Variants in UBE2D3 observed in about 807,000 individuals in gnomAD.
The protein encoded by UBE2D3 is ubiquitin-conjugating enzyme E2 D3.
A neutral mutation model predicts 22.8 loss-of-function variants in UBE2D3; 2 were observed. The observed-to-expected ratio is 0.09, with a 90% CI of 0.04 to 0.28. The LOEUF is 0.28. Among genes scored for constraint, UBE2D3 ranks in the 10% least tolerant of loss-of-function variants. The pLI, the probability that UBE2D3 is intolerant of heterozygous loss-of-function variation, is 1.00. For synonymous variants in UBE2D3, 56 were observed against 60.4 expected (o/e 0.93, Z 0.34); for missense variants, 27 against 182.5 (o/e 0.15, Z 4.91).
chr4:102,826,632 GGCGCCTTTTGC>G lies in UBE2D3; in HGVS notation c.-128-7_-125del. 2 of 1,576,120 alleles carry G rather than the reference GGCGCCTTTTGC, an allele frequency of 1.3e-6. No homozygotes were observed. Among genetic ancestry groups the G allele is most frequent in the Non-Finnish European group, 8.5e-7 (1 of 1,169,668 alleles). The stretch of plus-strand genomic sequence containing the variant: ...TCTCACACCAGCTCTGCCAGACACA[GGCGCCTTTTGC>G]AAAAACGGAGCAGATCAGCACTCGC... On this transcript the variant is annotated splice_acceptor_variant and splice_polypyrimidine_tract_variant and 5_prime_UTR_variant and intron_variant, in exon 2 of 8. Transcript: ENST00000453744. LOFTEE classifies it low-confidence loss of function (5UTR_SPLICE).
rs1051693596 is a variant in UBE2D3 at position 102,868,832 on chromosome 4, T to A, written c.-246A>T. On this transcript the variant is annotated 5_prime_UTR_variant, in exon 1 of 8. Coordinates refer to the UBE2D3 transcript ENST00000338145. ...TTAAAGGCCCAAGAGGAGGGCCACCTTCACACGAGATTCCGAGGAGGGCCT... is the reference window on the plus strand; with the variant it reads ...TTAAAGGCCCAAGAGGAGGGCCACCATCACACGAGATTCCGAGGAGGGCCT... The A allele has an allele frequency of 4.4e-6, 7 of 1,585,000 alleles. No homozygotes were observed. The Admixed American group carries it at 1.0e-4, about 23-fold the overall frequency.
intron 6 of UBE2D3, 76 bp from the exon 7 acceptor site, chr4:102,799,576 A>G: frequency 9.4e-7 from 1 of 1,066,124 alleles, no homozygotes; most frequent in Non-Finnish European, 1.4e-6. Context: ...CGTGTATTAC[A>G]AAACTCAATC....
At chr4:102,843,873 T>C (rs1193461724) in intron 1 of UBE2D3, 1 of 151,732 alleles carries the variant, frequency 6.6e-6, no homozygotes, top group African/African-American at 2.4e-5. Context: ...AACAGGAGAG[T>C]TGATGTAGCC....
chr4:102,817,785 T>C (rs1296082717), intron 2 of UBE2D3, among the ~76,000 whole-genome samples: 2 of 152,212 alleles, frequency 1.3e-5, no homozygotes, highest in African/African-American at 4.8e-5. Context: ...TTACATGGCC[T>C]GAGAAAATGA....
chr4:102,804,140 G>C (rs114109120), intron 4 of UBE2D3, among the ~76,000 whole-genome samples: 1 of 151,948 alleles, frequency 6.6e-6, no homozygotes, highest in Non-Finnish European at 1.5e-5. Context: ...GGTGGAGGGC[G>C]GGGGGAATGG....
At chr4:102,810,040 C>G in intron 2 of UBE2D3, 185 bp from the exon 3 acceptor site, 1 of 576,426 alleles carries the variant, frequency 1.7e-6, no homozygotes, top group Non-Finnish European at 3.0e-6. Context: ...ATCATCTTAG[C>G]TAGAGTTCGT....
At chr4:102,839,358 A>C (rs6842975) in intron 1 of UBE2D3, among the ~76,000 whole-genome samples, 10,334 of 152,188 alleles carry the variant, frequency 0.068, 783 homozygotes, top group African/African-American at 0.18. Context: ...CCTCAACCTC[A>C]CAGGCTCAAG....
At position 102,795,532 on chromosome 4, in the gene UBE2D3, T is replaced by A. The variant is rs1334492267; in HGVS notation, c.*1883A>T. ...GAGCCGTTTTAAGCAAAACACAAAA[T>A]GAAAAAATTCACTCATTGGAAAAAC... On this transcript the variant is annotated 3_prime_UTR_variant, in exon 8 of 8. Coordinates refer to ENST00000453744, the MANE Select transcript of UBE2D3 (RefSeq NM_181891.3). 5 of 151,988 alleles carry A rather than the reference T, an allele frequency of 3.3e-5. No homozygotes were observed. The highest frequency in any genetic ancestry group is 4.4e-5 in the Non-Finnish European group (3 of 67,910). The allele number at this position is 151,988 out of a possible 1,614,324, so 9.4% of individuals were successfully genotyped here.
intron 2 of UBE2D3, among the ~76,000 whole-genome samples, chr4:102,814,457 C>CTTTT (rs574701413): frequency 9.2e-5 from 11 of 119,086 alleles, no homozygotes; most frequent in Non-Finnish European, 1.0e-4. Flanking sequence ...CCTGGCTATT[C>CTTTT]TTTTTTTTTT....
chr4:102,864,133 CA>C (rs1357459334), intron 1 of UBE2D3, among the ~76,000 whole-genome samples: 1 of 152,148 alleles, frequency 6.6e-6, no homozygotes, highest in Non-Finnish European at 1.5e-5. Context: ...TGAATATACA[CA>C]ACACAACCTT....
At chr4:102,827,605 C>T (rs1158362733), upstream of UBE2D3, 16 of 986,946 alleles carry the variant, frequency 1.6e-5, no homozygotes, top group East Asian at 1.7e-3. Context: ...TTCACCGCCG[C>T]GGATCAGTCC....
At chr4:102,828,280 T>C, upstream of UBE2D3, 1 of 984,874 alleles carries the variant, frequency 1.0e-6, no homozygotes, top group Non-Finnish European at 1.2e-6. Context: ...ACCTTTAGTC[T>C]AGCTCGGGCC....
intron 4 of UBE2D3, among the ~76,000 whole-genome samples, chr4:102,806,853 C>A (rs223420): frequency 0.59 from 89,061 of 151,846 alleles, 27,720 homozygotes; most frequent in African/African-American, 0.81. Context: ...CCCAAAAAAA[C>A]CCACGCACAC....
At chr4:102,835,329 G>A (rs1241943023) in intron 1 of UBE2D3, among the ~76,000 whole-genome samples, 1 of 152,156 alleles carries the variant, frequency 6.6e-6, no homozygotes, top group Non-Finnish European at 1.5e-5. Context: ...GCAATCTAAG[G>A]AGGATGTGTA....
At chr4:102,868,107 C>G (rs542602758) in intron 1 of UBE2D3, among the ~76,000 whole-genome samples, 35 of 122,522 alleles carry the variant, frequency 2.9e-4, no homozygotes, top group African/African-American at 9.7e-4. Flanking sequence ...GAGTCTTGCT[C>G]TGTCTCCCAG....
At chr4:102,837,258 T>C (rs1377217217) in intron 1 of UBE2D3, among the ~76,000 whole-genome samples, 1 of 152,238 alleles carries the variant, frequency 6.6e-6, no homozygotes, top group African/African-American at 2.4e-5. Context: ...TTTTGCAGGC[T>C]GATTGTTAAA....
intron 1 of UBE2D3, among the ~76,000 whole-genome samples, chr4:102,840,019 G>GA (rs1426299468): frequency 6.6e-6 from 1 of 152,182 alleles, no homozygotes; most frequent in African/African-American, 2.4e-5. Context: ...ATAAGTATAT[G>GA]AAAAATGTGT....
At chr4:102,802,242 T>C (rs370303849) in intron 5 of UBE2D3, 4 of 207,062 alleles carry the variant, frequency 1.9e-5, no homozygotes, top group East Asian at 2.1e-4. Flanking sequence ...CAAATATAAA[T>C]TGAAGTTGGA....
chr4:102,822,679 T>C (rs1233973337), intron 2 of UBE2D3, among the ~76,000 whole-genome samples: 1 of 150,976 alleles, frequency 6.6e-6, no homozygotes, highest in Non-Finnish European at 1.5e-5. Context: ...CTCACGCCTG[T>C]AATCCCAGCA....
Sources: gnomAD v4.1 joint callset for allele counts (sites outside exome capture counted in the v4.1 genomes callset) on GRCh38, gnomAD v4.1.1 for gene constraint, MANE v1.5 for transcripts, NCBI Gene and HGNC (gene_info 2026-07-23, HGNC 2026-07-21) for gene names.